Variants in RPTOR observed in about 807,000 individuals in gnomAD.
RPTOR encodes the protein regulatory associated protein of MTOR complex 1.
Under a neutral mutation model 169.9 loss-of-function variants are expected in RPTOR, and 21 were observed. That is an observed-to-expected ratio of 0.12 (90% CI 0.09 to 0.18). RPTOR has a LOEUF of 0.18. Ranked by LOEUF, RPTOR falls within the 10% of genes least tolerant of loss-of-function variation. The pLI is 1.00. For missense variants in RPTOR, 1,133 were observed against 1,855.9 expected (o/e 0.61, Z 7.16); for synonymous variants, 732 against 753.2 (o/e 0.97, Z 0.46).
intron 2 of RPTOR, among the ~76,000 whole-genome samples, chr17:80,629,585 TTCTC>T (rs71163982): frequency 0.14 from 16,195 of 118,070 alleles, 1,000 homozygotes; most frequent in East Asian, 0.24. Context: ...TTCCATGTGT[TTCTC>T]TCTTCTGGGA....
At chr17:80,842,743 G>A (rs1367284360) in intron 10 of RPTOR, among the ~76,000 whole-genome samples, 1 of 152,154 alleles carries the variant, frequency 6.6e-6, no homozygotes, top group Non-Finnish European at 1.5e-5. Flanking sequence ...TGAGCATTCT[G>A]AGCAGACGCT....
rs2067447372 is a variant in RPTOR, at chr17:80,826,665, C to G, written c.1136+3442C>G. On this transcript the variant is annotated intron_variant, in intron 9 of 33. Coordinates refer to ENST00000306801, the MANE Select transcript of RPTOR (RefSeq NM_020761.3). Reference sequence around the variant, plus strand: ...CCTTCTGCCGGGTGTCACTGTGTCCCCATGGTTGGGTTTGACGGACATCAG... The same window carrying G: ...CCTTCTGCCGGGTGTCACTGTGTCCGCATGGTTGGGTTTGACGGACATCAG... Among the ~76,000 whole-genome samples, 3 of 152,250 alleles carry G rather than the reference C, an allele frequency of 2.0e-5. No individual in the cohort carries two copies. The South Asian group carries it at 6.2e-4, about 31-fold the overall frequency.
chr17:80,729,885 G>C (rs915926900), intron 4 of RPTOR, among the ~76,000 whole-genome samples: 1 of 152,046 alleles, frequency 6.6e-6, no homozygotes, highest in Non-Finnish European at 1.5e-5. Flanking sequence ...GGCAGCCATG[G>C]GGTACATGAG....
chr17:80,812,751 C>T (rs959801372), intron 7 of RPTOR, among the ~76,000 whole-genome samples: 4 of 152,252 alleles, frequency 2.6e-5, no homozygotes, highest in Non-Finnish European at 4.4e-5. Flanking sequence ...TCTAGCTGTT[C>T]TCCAGGTGAG....
chr17:80,893,735 A>T lies in RPTOR; in HGVS notation c.2271A>T (p.Gly757=), dbSNP rs1023448548. 1.9e-6 allele frequency: 3 copies of T among 1,609,524 alleles called. No homozygotes were observed. The highest frequency in any genetic ancestry group is 2.7e-5 in the African/African-American group (2 of 74,606). ...GTGGCGCGGTGGCGTTCTCCCCCGG[A>T]AACCTCAGCACCAGCAGCAGCGCCA... ...ESGGAVAFSP[G]NLSTSSSASS... The change falls in exon 20 of 34, where the codon GGA becomes GGT. Residue 757 remains glycine (G), a synonymous_variant. Coordinates refer to ENST00000306801, the MANE Select transcript of RPTOR (RefSeq NM_020761.3).
At chr17:80,894,654 C>G (rs1300214480) in intron 20 of RPTOR, among the ~76,000 whole-genome samples, 2 of 152,224 alleles carry the variant, frequency 1.3e-5, no homozygotes, top group African/African-American at 4.8e-5. Context: ...AGCCTCATCT[C>G]CTCTTGTTCT....
In RPTOR at chr17:80,827,755, G is replaced by T. The variant is rs1010569670; in HGVS notation, c.1136+4532G>T. 3.3e-5 allele frequency among the ~76,000 whole-genome samples: 5 copies of T among 152,172 alleles called. No homozygotes were observed. The East Asian group carries it at 5.8e-4, about 18-fold the overall frequency. ...CCCTGAGGCACACCAGTCGCGGCGG[G>T]TGACCACAGGTGGTCATGTAAGAAT... On this transcript the variant is annotated intron_variant, in intron 9 of 33. Coordinates refer to ENST00000306801, the MANE Select transcript of RPTOR (RefSeq NM_020761.3).
intron 15 of RPTOR, 82 bp downstream of exon 15, chr17:80,883,566 A>T: frequency 2.1e-6 from 3 of 1,414,830 alleles, no homozygotes; most frequent in Non-Finnish European, 3.0e-6. Flanking sequence ...ACGTGGTGCC[A>T]CATGGGGGAC....
chr17:80,859,368 G>A (rs946344613), intron 13 of RPTOR, among the ~76,000 whole-genome samples: 6 of 152,258 alleles, frequency 3.9e-5, no homozygotes, highest in Non-Finnish European at 7.3e-5. Context: ...AACAAAGGGT[G>A]TGTGCTGAGA....
At chr17:80,769,422 G>T (rs1173313195) in intron 6 of RPTOR, among the ~76,000 whole-genome samples, 1 of 152,208 alleles carries the variant, frequency 6.6e-6, no homozygotes. Context: ...ACTGAGAACA[G>T]CCCGAGTGCT....
intron 1 of RPTOR, among the ~76,000 whole-genome samples, chr17:80,549,143 T>C (rs1282383327): frequency 6.6e-6 from 1 of 152,236 alleles, no homozygotes; most frequent in East Asian, 1.9e-4. Context: ...GGTTTTCAAA[T>C]GCCACTTTTA....
intron 27 of RPTOR, among the ~76,000 whole-genome samples, chr17:80,948,260 C>A (rs549907453): frequency 6.6e-6 from 1 of 152,356 alleles, no homozygotes; most frequent in Non-Finnish European, 1.5e-5. Flanking sequence ...CCTCTCAACG[C>A]GGTTGCGGGC....
intron 20 of RPTOR, among the ~76,000 whole-genome samples, chr17:80,903,342 G>A (rs533694967): frequency 1.3e-5 from 2 of 151,868 alleles, no homozygotes; most frequent in African/African-American, 4.9e-5. Flanking sequence ...CTGGGAGCCA[G>A]AACTACTGCC....
At chr17:80,911,871 TAAGG>T in intron 21 of RPTOR, among the ~76,000 whole-genome samples, 1 of 152,066 alleles carries the variant, frequency 6.6e-6, no homozygotes, top group Non-Finnish European at 1.5e-5. Flanking sequence ...AGGAAGGAAA[TAAGG>T]AAGAAAAGAA....
intron 20 of RPTOR, among the ~76,000 whole-genome samples, chr17:80,897,487 T>C (rs1469641166): frequency 3.3e-5 from 5 of 152,236 alleles, no homozygotes; most frequent in African/African-American, 1.2e-4. Context: ...TTGAATGTAT[T>C]TTCTGCATCT....
intron 3 of RPTOR, among the ~76,000 whole-genome samples, chr17:80,655,568 A>G (rs2065673042): frequency 6.8e-6 from 1 of 147,404 alleles, no homozygotes; most frequent in African/African-American, 2.5e-5. Context: ...ATGCCCAGCT[A>G]ATTTTTAATT....
intron 4 of RPTOR, among the ~76,000 whole-genome samples, chr17:80,723,967 G>A (rs927765565): frequency 4.6e-5 from 7 of 151,320 alleles, no homozygotes; most frequent in Non-Finnish European, 1.0e-4. Context: ...GGGAGACCTC[G>A]AAGAAAGAAC....
At chr17:80,587,484 G>A (rs1447086576) in intron 1 of RPTOR, among the ~76,000 whole-genome samples, 2 of 152,226 alleles carry the variant, frequency 1.3e-5, no homozygotes, top group Non-Finnish European at 2.9e-5. Flanking sequence ...GTTAGCACCT[G>A]TGTGGATTTT....
At chr17:80,762,007 G>T (rs2066741161) in intron 6 of RPTOR, among the ~76,000 whole-genome samples, 1 of 152,144 alleles carries the variant, frequency 6.6e-6, no homozygotes, top group Admixed American at 6.5e-5. Context: ...CAGTATCATG[G>T]ATCTCACACA....
Sources: gnomAD v4.1 joint callset for allele counts (sites outside exome capture counted in the v4.1 genomes callset) on GRCh38, gnomAD v4.1.1 for gene constraint, MANE v1.5 for transcripts, NCBI Gene and HGNC (gene_info 2026-07-23, HGNC 2026-07-21) for gene names.